The following COLGALT2 variants were observed in gnomAD, a reference collection of about 807,000 sequenced individuals.
COLGALT2 encodes the protein collagen beta(1-O)galactosyltransferase 2.
Under a neutral mutation model 73.4 loss-of-function variants are expected in COLGALT2, and 49 were observed. The observed-to-expected ratio is 0.67, with a 90% CI of 0.53 to 0.85. The LOEUF is 0.85. Among genes scored for constraint, COLGALT2 ranks in the 40% least tolerant of loss-of-function variants. The probability of loss-of-function intolerance (pLI) is 0.00; values close to 1 mark genes in which losing one functional copy is unlikely to be tolerated. For missense variants in COLGALT2, 722 were observed against 790.2 expected, an observed-to-expected ratio of 0.91 and a Z score of 1.03; for synonymous variants, 295 against 307.6, an observed-to-expected ratio of 0.96 and a Z score of 0.43.
Position 183,937,939 on chromosome 1 carries a change from A to C in COLGALT2, c.*822T>G. On this transcript the variant is annotated 3_prime_UTR_variant, in exon 12 of 12. Transcript: ENST00000361927. ...GCGCGCAAACCCGGGACAGGGCAGG[A>C]TGCACAGCCAGTCCTCACCCTTTAT... 3.0e-6 allele frequency: 3 copies of C among 985,458 alleles called. No individual in the cohort carries two copies. Among genetic ancestry groups the C allele is most frequent in the Non-Finnish European group, 3.6e-6 (3 of 829,950 alleles). 61.0% of individuals were successfully genotyped at this position (985,458 alleles called of 1,614,324 possible). A position where few individuals can be genotyped will look rare whatever the true frequency, so the allele number is the denominator to read the frequency against.
At chr1:184,034,947 A>C (rs1649625859) in intron 1 of COLGALT2, among the ~76,000 whole-genome samples, 2 of 152,234 alleles carry the variant, frequency 1.3e-5, no homozygotes, top group Admixed American at 1.3e-4. Flanking sequence ...ACTATTTAGA[A>C]ACTGGGATTT....
chr1:184,012,840 A>T (rs188534808), intron 1 of COLGALT2, among the ~76,000 whole-genome samples: 188 of 152,332 alleles, frequency 1.2e-3, no homozygotes, highest in African/African-American at 4.3e-3. Context: ...TAAAGTGGCT[A>T]TTGATGTGAA....
intron 6 of COLGALT2, among the ~76,000 whole-genome samples, chr1:183,955,107 G>A (rs1670516708): frequency 6.6e-6 from 1 of 152,196 alleles, no homozygotes; most frequent in East Asian, 1.9e-4. Flanking sequence ...GGCAGTTTAG[G>A]ATAATGGTTA....
At chr1:183,951,378 C>T (rs1428853797) in intron 7 of COLGALT2, among the ~76,000 whole-genome samples, 1 of 152,154 alleles carries the variant, frequency 6.6e-6, no homozygotes, top group Non-Finnish European at 1.5e-5. Context: ...TCTCCCTTCT[C>T]TTGAAATAGG....
In COLGALT2 at chr1:183,937,060, T is replaced by C. The variant is rs1410226496; in HGVS notation, c.*1701A>G. On this transcript the variant is annotated 3_prime_UTR_variant, in exon 12 of 12. Coordinates refer to ENST00000361927, the MANE Select transcript of COLGALT2 (RefSeq NM_015101.4). Reference sequence around the variant, plus strand: ...CCTTAATGTGGCAATCAGTATCACATGGGCAGTGAACTGAAGAATTAGGTG... The same window carrying C: ...CCTTAATGTGGCAATCAGTATCACACGGGCAGTGAACTGAAGAATTAGGTG... The C allele has an allele frequency of 2.4e-6, 3 of 1,231,672 alleles. No homozygotes were observed. The highest frequency in any genetic ancestry group is 3.0e-6 in the Non-Finnish European group (3 of 987,970). 76.3% of individuals were successfully genotyped at this position (1,231,672 alleles called of 1,614,324 possible).
chr1:183,983,263 CAGAGGAGGA>C (rs1042163149), intron 1 of COLGALT2, among the ~76,000 whole-genome samples: 3 of 152,152 alleles, frequency 2.0e-5, no homozygotes, highest in Non-Finnish European at 1.5e-5. Context: ...CACTCATTCC[CAGAGGAGGA>C]AGAGGAGGAA....
intron 1 of COLGALT2, among the ~76,000 whole-genome samples, chr1:184,025,912 A>G (rs560975171): frequency 6.6e-6 from 1 of 152,248 alleles, no homozygotes; most frequent in Admixed American, 6.5e-5. Flanking sequence ...GTGTTAGGTC[A>G]GGAAAGGACT....
At chr1:184,027,125 A>T (rs1377687231) in intron 1 of COLGALT2, among the ~76,000 whole-genome samples, 1 of 152,156 alleles carries the variant, frequency 6.6e-6, no homozygotes, top group Non-Finnish European at 1.5e-5. Flanking sequence ...AACACAAATG[A>T]TGCATGCCTG....
At chr1:184,028,905 G>A (rs1288307321) in intron 1 of COLGALT2, among the ~76,000 whole-genome samples, 1 of 152,212 alleles carries the variant, frequency 6.6e-6, no homozygotes, top group Non-Finnish European at 1.5e-5. Flanking sequence ...TCAGGGGACA[G>A]GCCTTAGCTT....
chr1:183,954,304 C>T (rs1328705230), intron 7 of COLGALT2, among the ~76,000 whole-genome samples: 2 of 152,086 alleles, frequency 1.3e-5, no homozygotes, highest in Non-Finnish European at 2.9e-5. Flanking sequence ...CCTCTCAACC[C>T]TGCTCTCTAA....
chr1:183,980,019 C>T (rs1228120477), intron 1 of COLGALT2, among the ~76,000 whole-genome samples: 5 of 151,912 alleles, frequency 3.3e-5, no homozygotes, highest in African/African-American at 1.2e-4. Context: ...TAAAAAATAA[C>T]AATTACTAGT....
intron 1 of COLGALT2, among the ~76,000 whole-genome samples, chr1:184,008,176 G>A (rs1348893802): frequency 6.6e-6 from 1 of 152,060 alleles, no homozygotes; most frequent in Non-Finnish European, 1.5e-5. Flanking sequence ...TATTCCAAAT[G>A]GATAAACAAA....
chr1:183,963,152 C>T (rs923397218), intron 6 of COLGALT2, among the ~76,000 whole-genome samples: 1 of 152,202 alleles, frequency 6.6e-6, no homozygotes, highest in Non-Finnish European at 1.5e-5. Context: ...CACAGCAATT[C>T]ATGCATCATG....
In COLGALT2 at chr1:183,951,055, A is replaced by C; in HGVS notation, c.1088T>G (p.Leu363Arg). 1 of 1,613,938 alleles carries C rather than the reference A, an allele frequency of 6.2e-7. No homozygotes were observed. Among genetic ancestry groups the C allele is most frequent in the South Asian group, 1.1e-5 (1 of 91,042 alleles). ...CTTGACCTCAATCTCCTGTTCATAC[A>C]GTGTGCGCAGCATCCGGTCCCGCCT... ...KDRRDRMLRT[L>R]YEQEIEVKIV... Residue 363 changes from leucine to arginine, a missense_variant, in exon 8 of 12, where the codon CTG (leucine) becomes CGG (arginine). Leu to Arg is a moderately radical substitution (Grantham distance 102, BLOSUM62 -2). Coordinates refer to ENST00000361927, the MANE Select transcript of COLGALT2 (RefSeq NM_015101.4).
chr1:183,946,389 T>C (rs1351992000), intron 8 of COLGALT2: 1 of 152,190 alleles, frequency 6.6e-6, no homozygotes, highest in East Asian at 1.9e-4. Flanking sequence ...CCAGGCATAT[T>C]CAGGGCTGTC....
chr1:183,990,884 C>T (rs1011698099), intron 1 of COLGALT2, among the ~76,000 whole-genome samples: 1 of 152,202 alleles, frequency 6.6e-6, no homozygotes, highest in Non-Finnish European at 1.5e-5. Flanking sequence ...TCCTGGGTCC[C>T]TAGCATCTTG....
At chr1:183,932,694 G>C (rs567671770), downstream of COLGALT2, among the ~76,000 whole-genome samples, 1 of 152,250 alleles carries the variant, frequency 6.6e-6, no homozygotes, top group Admixed American at 6.5e-5. Flanking sequence ...AGCCTCCCTG[G>C]CCAGCCTGCA....
At chr1:183,973,860 A>G in intron 3 of COLGALT2, 110 bp from the exon 4 acceptor site, 5 of 988,042 alleles carry the variant, frequency 5.1e-6, no homozygotes, top group Non-Finnish European at 7.6e-6. Flanking sequence ...GACATATGGA[A>G]CCAGCTATCT....
intron 7 of COLGALT2, among the ~76,000 whole-genome samples, chr1:183,953,287 T>A (rs1326031450): frequency 1.3e-5 from 2 of 152,126 alleles, no homozygotes; most frequent in Non-Finnish European, 2.9e-5. Context: ...TACCATGCTA[T>A]CTCTGTTCCA....
Sources: allele counts gnomAD v4.1 joint callset (sites outside exome capture counted in the v4.1 genomes callset), GRCh38; gene constraint gnomAD v4.1.1; transcripts MANE v1.5; gene names NCBI Gene and HGNC (gene_info 2026-07-23, HGNC 2026-07-21).